Variants in SOS1 observed in about 807,000 individuals in gnomAD.
SOS1 encodes SOS Ras/Rac guanine nucleotide exchange factor 1, also known as son of sevenless homolog 1.
In SOS1, 25 loss-of-function variants were observed where a neutral mutation model predicts 157.6. The ratio of observed to expected loss-of-function variants is 0.16; its 90% CI spans 0.12 to 0.22. The LOEUF (loss-of-function observed/expected upper bound fraction) is 0.22. SOS1 is among the 10% of genes least tolerant of loss of function. The pLI, the probability that SOS1 is intolerant of heterozygous loss-of-function variation, is 1.00. For synonymous variants in SOS1, 528 were observed against 534.0 expected (o/e 0.99, Z 0.16); for missense variants, 1,237 against 1,599.1 (o/e 0.77, Z 3.86).
At chr2:39,019,462 T>C (rs959340965) in intron 10 of SOS1, among the ~76,000 whole-genome samples, 3 of 151,770 alleles carry the variant, frequency 2.0e-5, no homozygotes, top group Non-Finnish European at 4.4e-5. Context: ...CTTCATACCA[T>C]TGCCAGATTT....
At chr2:39,038,465 G>T (rs1235921714) in intron 6 of SOS1, among the ~76,000 whole-genome samples, 1 of 152,020 alleles carries the variant, frequency 6.6e-6, no homozygotes, top group African/African-American at 2.4e-5. Flanking sequence ...GCTGGGCGCG[G>T]TGGCTCACGC....
intron 6 of SOS1, among the ~76,000 whole-genome samples, chr2:39,044,906 GGATT>G (rs1463962282): frequency 1.3e-5 from 2 of 151,514 alleles, no homozygotes; most frequent in Non-Finnish European, 2.9e-5. Context: ...TATCGGTGAG[GGATT>G]GATTACAGGA....
At chr2:39,051,417 T>C (rs1671013212) in intron 5 of SOS1, 130 bp from the exon 6 acceptor site, 5 of 770,422 alleles carry the variant, frequency 6.5e-6, no homozygotes, top group South Asian at 6.1e-5. Context: ...TTTAATGACT[T>C]AGAAATATGA....
chr2:39,107,734 T>A, intron 1 of SOS1, among the ~76,000 whole-genome samples: 1 of 152,086 alleles, frequency 6.6e-6, no homozygotes, highest in East Asian at 1.9e-4. Context: ...CTTCCCTATT[T>A]GCTAAAACAA....
chr2:39,119,837 G>C (rs1356686829), intron 1 of SOS1, among the ~76,000 whole-genome samples: 3 of 152,200 alleles, frequency 2.0e-5, no homozygotes, highest in African/African-American at 7.2e-5. Flanking sequence ...AGGAGAATGA[G>C]GAGTGAATAC....
chr2:39,060,612 G>C (rs570212457), intron 2 of SOS1, among the ~76,000 whole-genome samples: 6 of 152,220 alleles, frequency 3.9e-5, no homozygotes, highest in African/African-American at 1.2e-4. Flanking sequence ...TTTTAGTAGA[G>C]ATGGGTTTCC....
At chr2:39,003,417 C>T (rs141696873) in intron 17 of SOS1, among the ~76,000 whole-genome samples, 1 of 152,222 alleles carries the variant, frequency 6.6e-6, no homozygotes, top group South Asian at 2.1e-4. Context: ...AAACAAGCTG[C>T]TTATTTCTGC....
intron 2 of SOS1, among the ~76,000 whole-genome samples, chr2:39,062,183 G>A (rs762067181): frequency 7.9e-5 from 12 of 151,708 alleles, no homozygotes; most frequent in Non-Finnish European, 1.0e-4. Flanking sequence ...TTTGGGAGGC[G>A]GAGGTGGGCG....
At chr2:38,998,794 T>C (rs1316445513) in intron 17 of SOS1, among the ~76,000 whole-genome samples, 3 of 152,186 alleles carry the variant, frequency 2.0e-5, no homozygotes, top group Non-Finnish European at 4.4e-5. Flanking sequence ...CTGATTACAA[T>C]GCTTTGAGGA....
At chr2:39,106,397 C>T (rs888614994) in intron 1 of SOS1, among the ~76,000 whole-genome samples, 7 of 151,520 alleles carry the variant, frequency 4.6e-5, no homozygotes, top group East Asian at 3.9e-4. Flanking sequence ...GAGACCATCC[C>T]GGCTAAAACG....
intron 17 of SOS1, among the ~76,000 whole-genome samples, chr2:39,000,572 C>T (rs1669061205): frequency 6.6e-6 from 1 of 152,144 alleles, no homozygotes; most frequent in African/African-American, 2.4e-5. Flanking sequence ...GCTGAGGTTT[C>T]ACCTTTTTTG....
At chr2:39,095,970 A>T (rs1672752802) in intron 1 of SOS1, among the ~76,000 whole-genome samples, 1 of 152,228 alleles carries the variant, frequency 6.6e-6, no homozygotes, top group South Asian at 2.1e-4. Flanking sequence ...CTGAGAAGCT[A>T]GATGTTTATG....
chr2:39,017,480 T>G (rs930003369), intron 10 of SOS1, among the ~76,000 whole-genome samples: 4 of 152,044 alleles, frequency 2.6e-5, no homozygotes, highest in Non-Finnish European at 5.9e-5. Flanking sequence ...CCTTCCTGTA[T>G]GCTGTACAGG....
intron 9 of SOS1, 77 bp downstream of exon 9, chr2:39,023,933 G>T: frequency 1.0e-6 from 1 of 983,490 alleles, no homozygotes; most frequent in Non-Finnish European, 1.6e-6. Context: ...GTTTACTTGA[G>T]GAGGGAACTG....
intron 8 of SOS1, among the ~76,000 whole-genome samples, chr2:39,028,005 ATTTTTAGT>A (rs1670026061): frequency 6.6e-6 from 1 of 151,988 alleles, no homozygotes; most frequent in Non-Finnish European, 1.5e-5. Context: ...AAATTTTTGT[ATTTTTAGT>A]AGAGACAGGG....
At chr2:39,039,081 G>C (rs2124570597) in intron 6 of SOS1, among the ~76,000 whole-genome samples, 1 of 152,262 alleles carries the variant, frequency 6.6e-6, no homozygotes, top group South Asian at 2.1e-4. Context: ...CTCACTGAAG[G>C]CTGAGAGGAT....
chr2:39,123,602 C>G (rs754769795), upstream of SOS1, among the ~76,000 whole-genome samples: 24 of 152,244 alleles, frequency 1.6e-4, no homozygotes, highest in Non-Finnish European at 3.2e-4. Context: ...AAGCAATCCA[C>G]CCACCTCCGC....
At chr2:39,004,406 CAAAAAA>C (rs60882005) in intron 17 of SOS1, among the ~76,000 whole-genome samples, 9 of 66,532 alleles carry the variant, frequency 1.4e-4, no homozygotes, top group South Asian at 6.3e-4. Context: ...GACTCTGTGT[CAAAAAA>C]AAAAAAAAAA....
Position 39,105,373 on chromosome 2 carries a change from T to G in SOS1, c.87+14963A>C, listed in dbSNP as rs564264879. ...CTCCTGGCCTCAAGCTGGTACAGCA[T>G]CCTAAAGTGCTGGGATTACAGCTGT... On this transcript the variant is annotated intron_variant, in intron 1 of 22. Coordinates refer to ENST00000402219, the MANE Select transcript of SOS1 (RefSeq NM_005633.4). Among the ~76,000 whole-genome samples, 5 of 151,996 alleles carry G rather than the reference T, an allele frequency of 3.3e-5. No individual in the cohort carries two copies. In the South Asian group the frequency reaches 1.0e-3, roughly 32 times the overall value.
Sources: allele counts gnomAD v4.1 joint callset (sites outside exome capture counted in the v4.1 genomes callset), GRCh38; gene constraint gnomAD v4.1.1; transcripts MANE v1.5; gene names NCBI Gene and HGNC (gene_info 2026-07-23, HGNC 2026-07-21).